SLC35F1: variants seen among roughly 807,000 people sequenced by gnomAD.
The protein encoded by SLC35F1 is solute carrier family 35 member F1.
SLC35F1 carries 14 observed loss-of-function variants against 48.7 expected under a neutral mutation model. The observed-to-expected ratio is 0.29, with a 90% CI of 0.19 to 0.45. The LOEUF (loss-of-function observed/expected upper bound fraction) is 0.45. Among genes scored for constraint, SLC35F1 ranks in the 20% least tolerant of loss-of-function variants. The pLI is 1.00. For missense variants in SLC35F1, 404 were observed against 500.0 expected, an observed-to-expected ratio of 0.81 and a Z score of 1.83; for synonymous variants, 190 against 202.2, an observed-to-expected ratio of 0.94 and a Z score of 0.51.
chr6:118,265,991 T>A (rs1192085291), intron 3 of SLC35F1, among the ~76,000 whole-genome samples: 2 of 152,196 alleles, frequency 1.3e-5, no homozygotes, highest in Admixed American at 6.5e-5. Flanking sequence ...AAAGAGTGTG[T>A]TTGAAAGCAG....
intron 1 of SLC35F1, among the ~76,000 whole-genome samples, chr6:118,026,578 T>G (rs187970326): frequency 1.3e-5 from 2 of 152,332 alleles, no homozygotes; most frequent in Admixed American, 6.5e-5. Context: ...GTTGAAATTT[T>G]GCAGTTTAAA....
chr6:118,152,321 C>G (rs1020073785), intron 1 of SLC35F1, among the ~76,000 whole-genome samples: 1 of 152,180 alleles, frequency 6.6e-6, no homozygotes, highest in Non-Finnish European at 1.5e-5. Context: ...AACAGAGGGT[C>G]AGGTTCCAGA....
intron 2 of SLC35F1, among the ~76,000 whole-genome samples, chr6:118,173,603 T>G (rs571128850): frequency 6.6e-6 from 1 of 152,160 alleles, no homozygotes; most frequent in South Asian, 2.1e-4. Flanking sequence ...CGATCCTAAG[T>G]GTGTGGAGCC....
chr6:118,011,844 C>A (rs1041753923), intron 1 of SLC35F1, among the ~76,000 whole-genome samples: 13 of 152,076 alleles, frequency 8.5e-5, no homozygotes, highest in Non-Finnish European at 1.8e-4. Flanking sequence ...TGTCAATAGT[C>A]CTGTAGTTGA....
intron 2 of SLC35F1, among the ~76,000 whole-genome samples, chr6:118,225,779 G>A (rs1175449307): frequency 6.6e-6 from 1 of 151,770 alleles, no homozygotes; most frequent in African/African-American, 2.4e-5. Flanking sequence ...GGGAGGCTGA[G>A]GCAGGAGAAT....
At chr6:117,981,188 C>A (rs1221176702) in intron 1 of SLC35F1, among the ~76,000 whole-genome samples, 4 of 152,028 alleles carry the variant, frequency 2.6e-5, no homozygotes, top group Admixed American at 6.6e-5. Flanking sequence ...CATGTTGGCT[C>A]AGAGGTGGAA....
chr6:117,923,019 A>C (rs1775920242), intron 1 of SLC35F1, among the ~76,000 whole-genome samples: 1 of 152,206 alleles, frequency 6.6e-6, no homozygotes, highest in South Asian at 2.1e-4. Flanking sequence ...GGAATCAAAC[A>C]TCATTTCACC....
intron 2 of SLC35F1, 48 bp from the exon 3 acceptor site, chr6:118,235,461 A>G: frequency 6.5e-7 from 1 of 1,546,108 alleles, no homozygotes; most frequent in Non-Finnish European, 8.8e-7. Flanking sequence ...TGTACAATTT[A>G]TTCTATTTCA....
chr6:118,033,001 T>C (rs1371282282), intron 1 of SLC35F1, among the ~76,000 whole-genome samples: 1 of 152,202 alleles, frequency 6.6e-6, no homozygotes, highest in African/African-American at 2.4e-5. Context: ...TGCATCTTTT[T>C]TCTTTTGATG....
chr6:118,124,958 T>C (rs1473073756), intron 1 of SLC35F1, among the ~76,000 whole-genome samples: 1 of 152,168 alleles, frequency 6.6e-6, no homozygotes, highest in African/African-American at 2.4e-5. Context: ...ATTATAATGA[T>C]GCAAAACTCA....
intron 1 of SLC35F1, among the ~76,000 whole-genome samples, chr6:117,992,000 C>A (rs1339459817): frequency 2.6e-5 from 4 of 151,678 alleles, no homozygotes; most frequent in Non-Finnish European, 5.9e-5. Flanking sequence ...TTTTTCTTTG[C>A]CTTTTAATGT....
At chr6:118,202,478 C>G (rs146757827) in intron 2 of SLC35F1, among the ~76,000 whole-genome samples, 179 of 152,262 alleles carry the variant, frequency 1.2e-3, no homozygotes, top group African/African-American at 4.2e-3. Context: ...GCCTGGGTGA[C>G]AGAGCAAGAC....
At chr6:118,296,460 A>G (rs1776184464) in intron 7 of SLC35F1, among the ~76,000 whole-genome samples, 2 of 152,318 alleles carry the variant, frequency 1.3e-5, no homozygotes, top group South Asian at 4.1e-4. Context: ...AAATGTGGTC[A>G]ATCTATGCAG....
At chr6:118,260,551 C>T (rs981902865) in intron 3 of SLC35F1, among the ~76,000 whole-genome samples, 1 of 152,040 alleles carries the variant, frequency 6.6e-6, no homozygotes, top group Non-Finnish European at 1.5e-5. Context: ...ATCACAAAGC[C>T]TGGCTATGCC....
At chr6:118,238,785 T>G (rs1255711925) in intron 3 of SLC35F1, among the ~76,000 whole-genome samples, 1 of 152,162 alleles carries the variant, frequency 6.6e-6, no homozygotes, top group African/African-American at 2.4e-5. Flanking sequence ...GGGAATGCTG[T>G]GAGTTAATTG....
chr6:118,117,265 G>A (rs1390459818), intron 1 of SLC35F1, among the ~76,000 whole-genome samples: 1 of 152,166 alleles, frequency 6.6e-6, no homozygotes. Context: ...TTTCTAAAGA[G>A]TCTTACAAAG....
intron 7 of SLC35F1, among the ~76,000 whole-genome samples, chr6:118,288,284 G>T (rs1400503642): frequency 1.3e-5 from 2 of 152,082 alleles, no homozygotes; most frequent in African/African-American, 4.8e-5. Flanking sequence ...CAAGGTTAAG[G>T]GTGCACCCGT....
chr6:118,196,561 C>A (rs924209720), intron 2 of SLC35F1, among the ~76,000 whole-genome samples: 3 of 151,668 alleles, frequency 2.0e-5, no homozygotes, highest in Non-Finnish European at 4.4e-5. Context: ...ACTAAAGATA[C>A]AAAAATTAGC....
chr6:117,997,895 T>A (rs1386815386), intron 1 of SLC35F1, among the ~76,000 whole-genome samples: 4 of 152,060 alleles, frequency 2.6e-5, no homozygotes, highest in Admixed American at 2.0e-4. Flanking sequence ...GCTAACATCA[T>A]AATGACAGGA....
Sources: allele counts gnomAD v4.1 joint callset (sites outside exome capture counted in the v4.1 genomes callset), GRCh38; gene constraint gnomAD v4.1.1; transcripts MANE v1.5; gene names NCBI Gene and HGNC (gene_info 2026-07-23, HGNC 2026-07-21).